Variants in CRYBG3 observed in about 807,000 individuals in gnomAD.
CRYBG3 encodes crystallin beta-gamma domain containing 3.
In CRYBG3, 127 loss-of-function variants were observed where a neutral mutation model predicts 244.2. The ratio of observed to expected loss-of-function variants is 0.52; its 90% CI spans 0.45 to 0.60. CRYBG3 has a LOEUF of 0.60. Among genes scored for constraint, CRYBG3 ranks in the 20% least tolerant of loss-of-function variants. CRYBG3 has a pLI of 0.00. For synonymous variants in CRYBG3, 1,132 were observed against 1,195.8 expected, an observed-to-expected ratio of 0.95 and a Z score of 1.10; for missense variants, 3,325 against 3,442.5, an observed-to-expected ratio of 0.97 and a Z score of 0.85.
chr3:97,864,198 G>A lies in CRYBG3; in HGVS notation c.217-19G>A, dbSNP rs778208636. The A allele has an allele frequency of 2.5e-5, 36 of 1,459,180 alleles. No individual in the cohort carries two copies. Among genetic ancestry groups the A allele is most frequent in the Non-Finnish European group, 3.1e-5 (34 of 1,112,246 alleles). 90.4% of individuals were successfully genotyped at this position (1,459,180 alleles called of 1,614,324 possible). On this transcript the variant is annotated intron_variant, in intron 2 of 21. Transcript: ENST00000389622. Reference sequence around the variant, plus strand: ...TATTTAAATAATGATGCTTATGATTGTCTATTTTGTTTTCAAAGATTCGCC... The same window carrying A: ...TATTTAAATAATGATGCTTATGATTATCTATTTTGTTTTCAAAGATTCGCC...
At chr3:97,866,313 A>G (rs1352950583) in intron 3 of CRYBG3, among the ~76,000 whole-genome samples, 1 of 152,244 alleles carries the variant, frequency 6.6e-6, no homozygotes, top group Non-Finnish European at 1.5e-5. Flanking sequence ...GATAACGTAC[A>G]AAGGTGTTCA....
chr3:97,937,874 A>G (rs927628975), intron 19 of CRYBG3, among the ~76,000 whole-genome samples: 1 of 152,120 alleles, frequency 6.6e-6, no homozygotes, highest in Admixed American at 6.6e-5. Context: ...ATTTCTGCCA[A>G]TATTATTAAA....
chr3:97,900,847 G>A lies in CRYBG3; in HGVS notation c.8004+362G>A, dbSNP rs142074419. On this transcript the variant is annotated intron_variant, in intron 15 of 21. Transcript: ENST00000389622. ...AGCAAACTTACCATGGAGAAGTCACGTCTTGGCATGCTTATTATGTACACG... is the reference window on the plus strand; with the variant it reads ...AGCAAACTTACCATGGAGAAGTCACATCTTGGCATGCTTATTATGTACACG... Among the ~76,000 whole-genome samples, 20 of 152,230 alleles carry A rather than the reference G, an allele frequency of 1.3e-4. No individual in the cohort carries two copies. In the South Asian group the frequency reaches 2.3e-3, roughly 17 times the overall value.
At position 97,869,336 on chromosome 3, in the gene CRYBG3, G is replaced by T. The variant is rs191894889; in HGVS notation, c.648-2506G>T. Among the ~76,000 whole-genome samples the T allele has an allele frequency of 1.2e-4, 18 of 152,064 alleles. No individual in the cohort carries two copies. In the East Asian group the frequency reaches 3.5e-3, roughly 29 times the overall value. ...AAAACATGATACATTATTAAAATTG[G>T]TATGAAGTATCACTACATTATGAAG... On this transcript the variant is annotated intron_variant, in intron 3 of 21. Coordinates refer to ENST00000389622, the MANE Select transcript of CRYBG3 (RefSeq NM_153605.4).
intron 2 of CRYBG3, among the ~76,000 whole-genome samples, chr3:97,853,406 T>TACACACACAC (rs57065921): frequency 2.3e-4 from 34 of 147,780 alleles, no homozygotes; most frequent in Non-Finnish European, 4.2e-4. Flanking sequence ...ACACATACAA[T>TACACACACAC]ACACACACAC....
intron 10 of CRYBG3, among the ~76,000 whole-genome samples, chr3:97,891,438 G>A (rs1183223267): frequency 6.6e-6 from 1 of 152,006 alleles, no homozygotes; most frequent in East Asian, 1.9e-4. Context: ...ATCCAACATT[G>A]TGCTATACTG....
chr3:97,851,705 T>C (rs934878387), intron 2 of CRYBG3, among the ~76,000 whole-genome samples: 1 of 152,034 alleles, frequency 6.6e-6, no homozygotes, highest in African/African-American at 2.4e-5. Context: ...AGAGATGAAA[T>C]TGGAGAAAGC....
chr3:97,887,332 A>C (rs760820266), intron 8 of CRYBG3, among the ~76,000 whole-genome samples: 10 of 152,178 alleles, frequency 6.6e-5, no homozygotes, highest in Non-Finnish European at 1.2e-4. Context: ...AACCCTGTGG[A>C]TATCTGGCTC....
At chr3:97,854,423 T>A (rs921493029) in intron 2 of CRYBG3, among the ~76,000 whole-genome samples, 1 of 152,172 alleles carries the variant, frequency 6.6e-6, no homozygotes, top group Non-Finnish European at 1.5e-5. Context: ...GCATTGAATC[T>A]GTAGATTACT....
intron 15 of CRYBG3, among the ~76,000 whole-genome samples, chr3:97,903,721 T>C (rs561710150): frequency 6.6e-6 from 1 of 152,326 alleles, no homozygotes; most frequent in African/African-American, 2.4e-5. Context: ...ATATTAAAGA[T>C]ATATATTACC....
intron 12 of CRYBG3, among the ~76,000 whole-genome samples, chr3:97,897,681 T>G (rs2039655179): frequency 1.3e-5 from 2 of 152,172 alleles, no homozygotes; most frequent in Non-Finnish European, 2.9e-5. Flanking sequence ...AACCATTTTT[T>G]TGGACATACT....
At chr3:97,901,669 G>A (rs1248798965) in intron 15 of CRYBG3, among the ~76,000 whole-genome samples, 1 of 152,172 alleles carries the variant, frequency 6.6e-6, no homozygotes, top group African/African-American at 2.4e-5. Flanking sequence ...AGAAAGAGAA[G>A]TTATTTCAAA....
chr3:97,852,983 G>A (rs1480106797), intron 2 of CRYBG3, among the ~76,000 whole-genome samples: 4 of 152,092 alleles, frequency 2.6e-5, no homozygotes, highest in African/African-American at 7.2e-5. Context: ...TTTGATAAAT[G>A]TCTGTTCAGA....
intron 1 of CRYBG3, among the ~76,000 whole-genome samples, chr3:97,828,512 C>A (rs1265745897): frequency 6.7e-6 from 1 of 150,250 alleles, no homozygotes; most frequent in African/African-American, 2.5e-5. Context: ...GGAAATATCT[C>A]CAAGATACAT....
chr3:97,933,872 G>A, intron 18 of CRYBG3, 39 bp downstream of exon 18: 2 of 1,586,336 alleles, frequency 1.3e-6, no homozygotes, highest in Non-Finnish European at 1.7e-6. Context: ...TTCAGTTACT[G>A]TTTTAAGACA....
At position 97,874,169 on chromosome 3, in the gene CRYBG3, A is replaced by AT. The variant is rs2039341723; in HGVS notation, c.2976dup (p.Ile993TyrfsTer4). 7.8e-6 allele frequency: 12 copies of AT among 1,530,648 alleles called. No homozygotes were observed. The highest frequency in any genetic ancestry group is 1.0e-5 in the Non-Finnish European group (12 of 1,145,564). The allele number at this position is 1,530,648 out of a possible 1,614,324, so 94.8% of individuals were successfully genotyped here. A position where few individuals can be genotyped will look rare whatever the true frequency, so the allele number is the denominator to read the frequency against. On this transcript the variant is annotated frameshift_variant, in exon 4 of 22. Coordinates refer to ENST00000389622, the MANE Select transcript of CRYBG3 (RefSeq NM_153605.4). LOFTEE classifies it high-confidence loss of function. Reference sequence around the variant, plus strand: ...GAAATGGCGGAACTCAGCTTAACTAATATTTCCCCTAAATTCCAAGAAACT... The same window carrying AT: ...GAAATGGCGGAACTCAGCTTAACTAATTATTTCCCCTAAATTCCAAGAAACT...
chr3:97,930,704 C>A (rs2040088089), intron 17 of CRYBG3, among the ~76,000 whole-genome samples: 1 of 152,064 alleles, frequency 6.6e-6, no homozygotes, highest in Non-Finnish European at 1.5e-5. Flanking sequence ...TAATTCCATC[C>A]CTTGATCACA....
chr3:97,851,023 C>T (rs1227080855), intron 2 of CRYBG3, among the ~76,000 whole-genome samples: 2 of 151,016 alleles, frequency 1.3e-5, no homozygotes, highest in East Asian at 3.9e-4. Context: ...ATCCCATTTA[C>T]TTGGGAGGCT....
chr3:97,923,179 G>T (rs549626222), intron 17 of CRYBG3, among the ~76,000 whole-genome samples: 1 of 152,118 alleles, frequency 6.6e-6, no homozygotes, highest in Admixed American at 6.5e-5. Flanking sequence ...CACACACCAG[G>T]ACCTGTCATG....
Sources: gnomAD v4.1 joint callset for allele counts (sites outside exome capture counted in the v4.1 genomes callset) on GRCh38, gnomAD v4.1.1 for gene constraint, MANE v1.5 for transcripts, NCBI Gene and HGNC (gene_info 2026-07-23, HGNC 2026-07-21) for gene names.